DAB1: variants seen among roughly 807,000 people sequenced by gnomAD.
DAB1 encodes DAB adaptor protein 1.
DAB1 carries 15 observed loss-of-function variants against 64.6 expected under a neutral mutation model. That is an observed-to-expected ratio of 0.23 (90% CI 0.16 to 0.36). The LOEUF is 0.36. Ranked by LOEUF, DAB1 falls within the 10% of genes least tolerant of loss-of-function variation. The pLI is 1.00. For synonymous variants in DAB1, 235 were observed against 251.9 expected, an observed-to-expected ratio of 0.93 and a Z score of 0.64; for missense variants, 596 against 706.7, an observed-to-expected ratio of 0.84 and a Z score of 1.78.
At chr1:58,105,995 T>A (rs1570358451) in intron 5 of DAB1, among the ~76,000 whole-genome samples, 1 of 152,222 alleles carries the variant, frequency 6.6e-6, no homozygotes, top group Admixed American at 6.5e-5. Flanking sequence ...AAGGAGCTTA[T>A]GTTCTGGCAA....
chr1:57,004,541 G>C (rs535357009), intron 14 of DAB1, among the ~76,000 whole-genome samples: 1 of 152,164 alleles, frequency 6.6e-6, no homozygotes, highest in Non-Finnish European at 1.5e-5. Flanking sequence ...AGTGCCAAGC[G>C]AAGCTGAGGA....
At chr1:58,030,907 C>T (rs989419472) in intron 5 of DAB1, among the ~76,000 whole-genome samples, 5 of 152,144 alleles carry the variant, frequency 3.3e-5, no homozygotes, top group African/African-American at 4.8e-5. Context: ...GGTGATGGTC[C>T]TAATACATAA....
At chr1:58,002,792 G>A (rs899607255) in intron 5 of DAB1, among the ~76,000 whole-genome samples, 9 of 152,112 alleles carry the variant, frequency 5.9e-5, no homozygotes, top group Admixed American at 4.6e-4. Context: ...AAATAAATAC[G>A]AAAACAACAA....
At chr1:57,153,839 C>T (rs936208669) in intron 2 of DAB1, among the ~76,000 whole-genome samples, 8 of 151,950 alleles carry the variant, frequency 5.3e-5, no homozygotes, top group Non-Finnish European at 7.4e-5. Context: ...TGGGGTTTCA[C>T]CGTGTTAGCC....
intron 5 of DAB1, among the ~76,000 whole-genome samples, chr1:57,905,193 C>G (rs1300349275): frequency 2.0e-5 from 3 of 151,840 alleles, no homozygotes; most frequent in African/African-American, 4.8e-5. Context: ...AGATTTGAAC[C>G]CACACAGTCT....
At chr1:57,722,564 A>G (rs552519217) in intron 6 of DAB1, among the ~76,000 whole-genome samples, 52 of 152,338 alleles carry the variant, frequency 3.4e-4, no homozygotes, top group African/African-American at 1.2e-3. Flanking sequence ...TGTGAGAGTG[A>G]AGCCTATTTT....
At chr1:58,453,223 T>G in intron 3 of DAB1, among the ~76,000 whole-genome samples, 1 of 150,960 alleles carries the variant, frequency 6.6e-6, no homozygotes, top group Non-Finnish European at 1.5e-5. Flanking sequence ...GGGGTAGAGG[T>G]GGGGGAGTGT....
chr1:57,378,732 T>A (rs1681111367), intron 1 of DAB1, among the ~76,000 whole-genome samples: 1 of 152,126 alleles, frequency 6.6e-6, no homozygotes, highest in Non-Finnish European at 1.5e-5. Flanking sequence ...TAGCAATGCA[T>A]TAGGGAGAAG....
chr1:57,417,252 A>G (rs1684558913), intron 1 of DAB1, among the ~76,000 whole-genome samples: 1 of 151,720 alleles, frequency 6.6e-6, no homozygotes, highest in Admixed American at 6.6e-5. Flanking sequence ...GTCTTAACCC[A>G]TTTATGCCAG....
intron 2 of DAB1, among the ~76,000 whole-genome samples, chr1:57,231,834 G>A (rs193087189): frequency 6.6e-6 from 1 of 152,278 alleles, no homozygotes; most frequent in Admixed American, 6.5e-5. Context: ...GGTACTTTTA[G>A]GATAAAGACC....
At chr1:58,414,387 G>A (rs896605040) in intron 3 of DAB1, among the ~76,000 whole-genome samples, 1 of 152,200 alleles carries the variant, frequency 6.6e-6, no homozygotes, top group Admixed American at 6.5e-5. Flanking sequence ...GCATCTTCCA[G>A]CATAGGACTC....
At chr1:57,399,129 A>G (rs1317999151) in intron 1 of DAB1, among the ~76,000 whole-genome samples, 1 of 152,138 alleles carries the variant, frequency 6.6e-6, no homozygotes, top group Non-Finnish European at 1.5e-5. Flanking sequence ...GAGGTCACCA[A>G]CTCACCATTA....
chr1:57,010,260 T>G (rs1646223063), intron 14 of DAB1, among the ~76,000 whole-genome samples: 1 of 152,160 alleles, frequency 6.6e-6, no homozygotes, highest in Non-Finnish European at 1.5e-5. Context: ...TCTCAAAATG[T>G]TGATGCTTCC....
intron 5 of DAB1, among the ~76,000 whole-genome samples, chr1:58,021,084 T>C (rs1004715179): frequency 6.6e-6 from 1 of 152,174 alleles, no homozygotes; most frequent in Non-Finnish European, 1.5e-5. Flanking sequence ...AAAGCAAGTG[T>C]TGCATAAGTG....
chr1:57,319,465 C>A (rs1223087193), intron 1 of DAB1, among the ~76,000 whole-genome samples: 1 of 152,142 alleles, frequency 6.6e-6, no homozygotes, highest in Admixed American at 6.5e-5. Flanking sequence ...GGTAAGGCAT[C>A]TTGAAGGTCC....
chr1:58,081,177 T>C lies in DAB1; in HGVS notation n.387+69334A>G, dbSNP rs374851609. On this transcript the variant is annotated intron_variant and non_coding_transcript_variant, in intron 5 of 20. Coordinates refer to the DAB1 transcript ENST00000485760. ...TAGCACTGAACCAGGTTTGGACACT[T>C]ATGAGGTTTGTATGACCCTAAAAAA... is the stretch of plus-strand genomic sequence containing the variant. Among the ~76,000 whole-genome samples, 11 of 152,278 alleles carry C rather than the reference T, an allele frequency of 7.2e-5. No individual in the cohort carries two copies. In the South Asian group the frequency reaches 1.9e-3, roughly 26 times the overall value.
At chr1:58,033,872 G>A (rs2100487124) in intron 5 of DAB1, among the ~76,000 whole-genome samples, 1 of 152,094 alleles carries the variant, frequency 6.6e-6, no homozygotes, top group Middle Eastern at 3.4e-3. Flanking sequence ...AGGACACATA[G>A]CCACCCTGAT....
intron 1 of DAB1, among the ~76,000 whole-genome samples, chr1:57,363,001 G>A (rs1009117712): frequency 6.6e-6 from 1 of 152,148 alleles, no homozygotes; most frequent in African/African-American, 2.4e-5. Context: ...TCAAAAGATA[G>A]ATTATTACTA....
At chr1:57,717,637 TACTC>T (rs765287070) in intron 6 of DAB1, among the ~76,000 whole-genome samples, 1 of 152,188 alleles carries the variant, frequency 6.6e-6, no homozygotes, top group Non-Finnish European at 1.5e-5. Context: ...ATTACAGTGT[TACTC>T]ACAATAGCCA....
Sources: allele counts gnomAD v4.1 joint callset (sites outside exome capture counted in the v4.1 genomes callset), GRCh38; gene constraint gnomAD v4.1.1; transcripts MANE v1.5; gene names NCBI Gene and HGNC (gene_info 2026-07-23, HGNC 2026-07-21).